Variants in PDSS2 observed in about 807,000 individuals in gnomAD.
The protein encoded by PDSS2 is decaprenyl diphosphate synthase subunit 2, also known as all trans-polyprenyl-diphosphate synthase PDSS2.
Under a neutral mutation model 44.5 loss-of-function variants are expected in PDSS2, and 31 were observed. The ratio of observed to expected loss-of-function variants is 0.70; its 90% CI spans 0.52 to 0.94. The LOEUF is 0.94. Ranked by LOEUF, PDSS2 falls within the 40% of genes least tolerant of loss-of-function variation. The pLI is 0.00. For synonymous variants in PDSS2, 157 were observed against 180.3 expected (o/e 0.87, Z 1.03); for missense variants, 452 against 482.2 (o/e 0.94, Z 0.59).
At chr6:107,412,706 C>T (rs1255230680) in intron 1 of PDSS2, among the ~76,000 whole-genome samples, 1 of 152,126 alleles carries the variant, frequency 6.6e-6, no homozygotes, top group Non-Finnish European at 1.5e-5. Flanking sequence ...GGCAAATTTA[C>T]CAATCTTTTG....
intron 2 of PDSS2, among the ~76,000 whole-genome samples, chr6:107,326,104 C>CTTTTTTT (rs1177945820): frequency 4.4e-5 from 6 of 136,230 alleles, no homozygotes; most frequent in African/African-American, 8.0e-5. Context: ...TTTCTTTTTT[C>CTTTTTTT]TTTTTTTTTT....
rs1424725632 is a variant in PDSS2 at position 107,153,461 on chromosome 6, T to TC, written c.*1157dup. On this transcript the variant is annotated 3_prime_UTR_variant, in exon 8 of 8. Transcript: ENST00000369037. Reference sequence around the variant, plus strand: ...TAAAAGAACACTCTCACCAATGAATTCCCTAGTACAAAAATTCTGTTTCTG... The same window carrying TC: ...TAAAAGAACACTCTCACCAATGAATTCCCCTAGTACAAAAATTCTGTTTCTG... 15 of 152,586 alleles carry TC rather than the reference T, an allele frequency of 9.8e-5. No individual in the cohort carries two copies. The highest frequency in any genetic ancestry group is 3.4e-4 in the African/African-American group (14 of 41,444). 9.5% of individuals were successfully genotyped at this position (152,586 alleles called of 1,614,324 possible).
chr6:107,455,715 C>T (rs900680538), intron 1 of PDSS2, among the ~76,000 whole-genome samples: 1 of 126,088 alleles, frequency 7.9e-6, no homozygotes, highest in Non-Finnish European at 1.6e-5. Context: ...GATCAGGCCA[C>T]TGGGCACTCC....
intron 1 of PDSS2, among the ~76,000 whole-genome samples, chr6:107,350,208 T>C (rs1778387944): frequency 1.3e-5 from 2 of 152,356 alleles, no homozygotes; most frequent in South Asian, 4.1e-4. Flanking sequence ...AGGTGATGTC[T>C]ACCAGCCTTC....
At chr6:107,246,940 G>A (rs576959323) in intron 3 of PDSS2, among the ~76,000 whole-genome samples, 1 of 152,220 alleles carries the variant, frequency 6.6e-6, no homozygotes, top group East Asian at 1.9e-4. Flanking sequence ...AGCTGCAGAG[G>A]AACTGGAAGG....
In PDSS2 at chr6:107,459,246, G is replaced by A. The variant is rs748185845; in HGVS notation, c.40C>T (p.Leu14Phe). 2 of 1,614,180 alleles carry A rather than the reference G, an allele frequency of 1.2e-6. No homozygotes were observed. The highest frequency in any genetic ancestry group is 2.2e-5 in the South Asian group (2 of 91,082). Residue 14 changes from leucine to phenylalanine, a missense_variant, in exon 1 of 8, where the codon CTT becomes TTT. Leu to Phe is a conservative substitution (Grantham distance 22). Coordinates refer to ENST00000369037, the MANE Select transcript of PDSS2 (RefSeq NM_020381.4). This position sits in a 1 kb window ranked among gnomAD's most constrained non-coding sequence, Gnocchi z 4.3. The part of the protein sequence containing the change: ...RQLLLHLPRY[L>F]GASGSPRRLW... ...CGACGCGGGGAACCCGAGGCTCCAAGATAACGTGGCAAGTGCAACAGCAGC... is the reference window on the plus strand; with the variant it reads ...CGACGCGGGGAACCCGAGGCTCCAAAATAACGTGGCAAGTGCAACAGCAGC...
intron 6 of PDSS2, among the ~76,000 whole-genome samples, chr6:107,207,288 G>A (rs1239629495): frequency 1.3e-5 from 2 of 152,042 alleles, no homozygotes; most frequent in African/African-American, 2.4e-5. Context: ...CACCACACCC[G>A]GCCTGAGTTT....
chr6:107,425,965 A>T (rs1243029854), intron 1 of PDSS2, among the ~76,000 whole-genome samples: 2 of 151,916 alleles, frequency 1.3e-5, no homozygotes, highest in African/African-American at 4.8e-5. Flanking sequence ...CGTCTCGAAA[A>T]AAAAAAAAAA....
At chr6:107,365,702 C>G (rs1359812251) in intron 1 of PDSS2, among the ~76,000 whole-genome samples, 1 of 152,064 alleles carries the variant, frequency 6.6e-6, no homozygotes, top group African/African-American at 2.4e-5. Context: ...TGCAAACAGT[C>G]ACCACAATAG....
chr6:107,363,746 G>A (rs9320212), intron 1 of PDSS2, among the ~76,000 whole-genome samples: 29,027 of 151,982 alleles, frequency 0.19, 2,865 homozygotes, highest in East Asian at 0.3. Flanking sequence ...TGGTAGAGCC[G>A]AGTGGCCTGT....
intron 1 of PDSS2, among the ~76,000 whole-genome samples, chr6:107,336,612 C>T (rs570577263): frequency 7.2e-5 from 11 of 151,942 alleles, no homozygotes; most frequent in South Asian, 2.1e-4. Flanking sequence ...AATTTTACGG[C>T]GGTTAAGAGG....
At position 107,154,518 on chromosome 6, in the gene PDSS2, A is replaced by C. The variant is rs555154105; in HGVS notation, c.*101T>G. ...ATGTGATAAAAGGAAGGAAAAATGCATATGTTTTAAAAGTCATTAACGCAT... is the reference window on the plus strand; with the variant it reads ...ATGTGATAAAAGGAAGGAAAAATGCCTATGTTTTAAAAGTCATTAACGCAT... On this transcript the variant is annotated 3_prime_UTR_variant, in exon 8 of 8. Transcript: ENST00000369037. 2.2e-5 allele frequency: 23 copies of C among 1,066,082 alleles called. No individual in the cohort carries two copies. Among genetic ancestry groups the C allele is most frequent in the Non-Finnish European group, 3.2e-5 (22 of 693,792 alleles). 66.0% of individuals were successfully genotyped at this position (1,066,082 alleles called of 1,614,324 possible).
chr6:107,286,975 G>A (rs777750028), intron 2 of PDSS2, among the ~76,000 whole-genome samples: 4 of 152,170 alleles, frequency 2.6e-5, no homozygotes, highest in African/African-American at 4.8e-5. Flanking sequence ...GGGAGGTGGA[G>A]GTTGCAGTGA....
chr6:107,252,458 G>A (rs542542864), intron 3 of PDSS2, among the ~76,000 whole-genome samples: 2 of 152,142 alleles, frequency 1.3e-5, no homozygotes, highest in Non-Finnish European at 2.9e-5. Context: ...TCTGGCTAAG[G>A]GGGTAGCGAA....
chr6:107,395,451 C>T (rs1779911506), intron 1 of PDSS2, among the ~76,000 whole-genome samples: 1 of 152,108 alleles, frequency 6.6e-6, no homozygotes, highest in Non-Finnish European at 1.5e-5. Flanking sequence ...TAATGAAGCT[C>T]TATACATTTT....
At chr6:107,250,229 A>G (rs1450878853) in intron 3 of PDSS2, among the ~76,000 whole-genome samples, 2 of 151,774 alleles carry the variant, frequency 1.3e-5, no homozygotes, top group African/African-American at 2.4e-5. Context: ...GATGTCTGTA[A>G]CATATTCTTA....
At chr6:107,159,590 G>A (rs1413457771) in intron 7 of PDSS2, among the ~76,000 whole-genome samples, 2 of 151,544 alleles carry the variant, frequency 1.3e-5, no homozygotes, top group East Asian at 2.0e-4. Context: ...CTAATTTTTT[G>A]TATTTTTTTA....
At chr6:107,411,000 T>C (rs192365838) in intron 1 of PDSS2, among the ~76,000 whole-genome samples, 1 of 152,222 alleles carries the variant, frequency 6.6e-6, no homozygotes, top group East Asian at 1.9e-4. Context: ...TTCTCCTGCC[T>C]CAGCCTCCCA....
At chr6:107,372,747 C>G (rs192808798) in intron 1 of PDSS2, among the ~76,000 whole-genome samples, 3 of 152,084 alleles carry the variant, frequency 2.0e-5, no homozygotes, top group Non-Finnish European at 4.4e-5. Flanking sequence ...CCACTGCGCC[C>G]GGCCCTAGTA....
Sources: allele counts gnomAD v4.1 joint callset (sites outside exome capture counted in the v4.1 genomes callset), GRCh38; gene constraint gnomAD v4.1.1; non-coding constraint Gnocchi (gnomAD v3.1); transcripts MANE v1.5; gene names NCBI Gene and HGNC (gene_info 2026-07-23, HGNC 2026-07-21).